Variants in POLK observed in about 807,000 individuals in gnomAD.
The protein encoded by POLK is DNA polymerase kappa.
A neutral mutation model predicts 94.0 loss-of-function variants in POLK; 76 were observed. The ratio of observed to expected loss-of-function variants is 0.81; its 90% CI spans 0.67 to 0.98. The LOEUF is 0.98. Ranked by LOEUF, POLK falls within the 50% of genes least tolerant of loss-of-function variation. The pLI is 0.00. For missense variants in POLK, 954 were observed against 1,010.1 expected (o/e 0.94, Z 0.75); for synonymous variants, 349 against 325.4 (o/e 1.07, Z -0.78).
exon 13 of POLK, chr5:75,596,722 G>C: frequency 6.2e-7 from 1 of 1,613,684 alleles, no homozygotes; most frequent in South Asian, 1.1e-5. Context: ...AAATGTTCCT[G>C]CTTCTTCACT....
upstream of POLK, chr5:75,510,993 C>G: frequency 7.5e-7 from 1 of 1,336,416 alleles, no homozygotes; most frequent in South Asian, 1.6e-5. Flanking sequence ...TGCAGCAACA[C>G]TCAGCCTCGC....
exon 2 of POLK, chr5:75,547,116 G>T (rs1164450909): frequency 6.5e-7 from 1 of 1,540,708 alleles, no homozygotes; most frequent in South Asian, 1.2e-5. Flanking sequence ...GGAAGGATTA[G>T]ATAAAGAGAA....
intron 3 of POLK, among the ~76,000 whole-genome samples, chr5:75,559,160 G>C (rs980857228): frequency 2.0e-5 from 3 of 152,180 alleles, no homozygotes; most frequent in African/African-American, 7.2e-5. Flanking sequence ...AGAGAACAGA[G>C]TTGTTTTCGT....
At chr5:75,607,122 C>A in the POLK span, among the ~76,000 whole-genome samples, 2 of 152,286 alleles carry the variant, frequency 1.3e-5, no homozygotes, top group African/African-American at 4.8e-5. Flanking sequence ...GAAGCTCACA[C>A]CCTCCCAGCT....
intron 6 of POLK, among the ~76,000 whole-genome samples, chr5:75,578,165 C>A (rs1371800337): frequency 2.6e-5 from 4 of 151,710 alleles, no homozygotes; most frequent in Admixed American, 1.3e-4. Context: ...TAATTTTTTT[C>A]TTTTTTTTGA....
At chr5:75,529,439 T>A (rs1215348336) in intron 1 of POLK, among the ~76,000 whole-genome samples, 1 of 152,086 alleles carries the variant, frequency 6.6e-6, no homozygotes, top group Non-Finnish European at 1.5e-5. Flanking sequence ...ACATTGGGGA[T>A]CACATTTCAA....
chr5:75,580,387 A>G (rs1456961189), intron 6 of POLK, among the ~76,000 whole-genome samples: 2 of 152,098 alleles, frequency 1.3e-5, no homozygotes, highest in Non-Finnish European at 2.9e-5. Flanking sequence ...GTTCATGGAG[A>G]CATTTTTAGT....
chr5:75,521,030 G>T (rs529356079), intron 1 of POLK, among the ~76,000 whole-genome samples: 60 of 151,994 alleles, frequency 3.9e-4, no homozygotes, highest in Non-Finnish European at 6.8e-4. Flanking sequence ...TTTTTAACTT[G>T]CTACTGTTAA....
intron 3 of POLK, among the ~76,000 whole-genome samples, chr5:75,554,288 A>G (rs1770480983): frequency 6.6e-6 from 1 of 152,084 alleles, no homozygotes; most frequent in Non-Finnish European, 1.5e-5. Flanking sequence ...TTTTGCCCAC[A>G]TGTCTGGGGG....
chr5:75,571,568 A>C (rs1771602244), intron 4 of POLK, among the ~76,000 whole-genome samples: 1 of 152,194 alleles, frequency 6.6e-6, no homozygotes, highest in African/African-American at 2.4e-5. Context: ...TAGGTCTGGC[A>C]CTTCGACTGA....
rs1561371144 is a variant in POLK at position 75,559,505 on chromosome 5, G to GTTTT, written c.255+6918_255+6921dup. 5.3e-3 allele frequency among the ~76,000 whole-genome samples: 373 copies of GTTTT among 70,062 alleles called. 19 individuals carry two copies. Among genetic ancestry groups the GTTTT allele is most frequent in the Middle Eastern group, 0.032 (4 of 124 alleles). The allele number at this position is 70,062 out of a possible 152,430, so 46.0% of individuals were successfully genotyped here. A position where few individuals can be genotyped will look rare whatever the true frequency, so the allele number is the denominator to read the frequency against. ...TTGGCAATTTATTGATTTGGGGTTT[G>GTTTT]TTTTTTTGTTTTGTTTTGTTTTTTT... On this transcript the variant is annotated intron_variant, in intron 3 of 14. Coordinates refer to ENST00000241436, the Ensembl canonical transcript of POLK.
chr5:75,547,780 T>G (rs570500946), intron 2 of POLK, among the ~76,000 whole-genome samples: 92 of 152,340 alleles, frequency 6.0e-4, no homozygotes, highest in Non-Finnish European at 8.7e-4. Flanking sequence ...TTTCTATCAA[T>G]TCACACTTCC....
intron 1 of POLK, among the ~76,000 whole-genome samples, chr5:75,533,594 A>G (rs1207667429): frequency 2.0e-5 from 3 of 152,198 alleles, no homozygotes; most frequent in African/African-American, 7.2e-5. Context: ...TAGGAAATTT[A>G]AAATAGTTTT....
intron 10 of POLK, among the ~76,000 whole-genome samples, chr5:75,587,643 C>T (rs1293101163): frequency 6.6e-6 from 1 of 151,950 alleles, no homozygotes. Flanking sequence ...ACCTAGGGCC[C>T]GGCAAGGTGG....
chr5:75,522,432 G>A (rs1768631444), intron 1 of POLK, among the ~76,000 whole-genome samples: 1 of 152,112 alleles, frequency 6.6e-6, no homozygotes, highest in Admixed American at 6.5e-5. Context: ...CTCTAGTGAG[G>A]GAATGAAGCC....
rs571859791 is a variant in POLK at position 75,525,436 on chromosome 5, A to G, written c.-14+13522A>G. 1.2e-3 allele frequency among the ~76,000 whole-genome samples: 187 copies of G among 152,334 alleles called. 1 individual carries two copies. Among genetic ancestry groups the G allele is most frequent in the Admixed American group, 3.5e-3 (53 of 15,302 alleles). On this transcript the variant is annotated intron_variant, in intron 1 of 14. Transcript: ENST00000241436. ...GAAATGACAGAGGAATTGGTCTGTC[A>G]GTTCGAAGATAGAGCAATACAAAAT...
At chr5:75,554,662 T>A (rs972649541) in intron 3 of POLK, among the ~76,000 whole-genome samples, 21 of 152,040 alleles carry the variant, frequency 1.4e-4, no homozygotes, top group African/African-American at 4.8e-4. Flanking sequence ...CCTCCCATCC[T>A]CCACCCTCCA....
chr5:75,593,197 T>C (rs1772880666), intron 11 of POLK, among the ~76,000 whole-genome samples: 1 of 151,550 alleles, frequency 6.6e-6, no homozygotes, highest in Non-Finnish European at 1.5e-5. Context: ...AATGGTGTGA[T>C]CTCGGCTCAA....
intron 8 of POLK, 87 bp from the exon 9 acceptor site, chr5:75,584,671 CAA>C (rs35397200): frequency 2.3e-3 from 1,458 of 626,760 alleles, no homozygotes; most frequent in South Asian, 4.0e-3. Flanking sequence ...GACTCCATCT[CAA>C]AAAAAAAAAA....
Sources: gnomAD v4.1 joint callset for allele counts (sites outside exome capture counted in the v4.1 genomes callset) on GRCh38, gnomAD v4.1.1 for gene constraint, MANE v1.5 for transcripts, NCBI Gene and HGNC (gene_info 2026-07-23, HGNC 2026-07-21) for gene names.